CYFIP1: variants seen among roughly 807,000 people sequenced by gnomAD.
The protein encoded by CYFIP1 is cytoplasmic FMR1-interacting protein 1.
CYFIP1 carries 58 observed loss-of-function variants against 163.5 expected under a neutral mutation model. The ratio of observed to expected loss-of-function variants is 0.35; its 90% CI spans 0.29 to 0.44. The LOEUF (loss-of-function observed/expected upper bound fraction) is 0.44, where lower values mean the gene tolerates loss of function less well. Ranked by LOEUF, CYFIP1 falls within the 20% of genes least tolerant of loss-of-function variation. The pLI, the probability that CYFIP1 is intolerant of heterozygous loss-of-function variation, is 1.00. For missense variants in CYFIP1, 1,338 were observed against 1,653.8 expected (o/e 0.81, Z 3.31); for synonymous variants, 663 against 660.7 (o/e 1.00, Z -0.05).
At chr15:22,979,151 G>T (rs8025779) in intron 1 of CYFIP1, among the ~76,000 whole-genome samples, 1 of 151,906 alleles carries the variant, frequency 6.6e-6, no homozygotes, top group Non-Finnish European at 1.5e-5. Context: ...CTGGCCCTAC[G>T]AGTGCACACC....
At chr15:22,954,843 T>C (rs1382344113) in intron 1 of CYFIP1, among the ~76,000 whole-genome samples, 2 of 152,208 alleles carry the variant, frequency 1.3e-5, no homozygotes, top group African/African-American at 4.8e-5. Flanking sequence ...GAGGACATCA[T>C]CATACTTGGC....
chr15:22,889,329 A>G (rs1238213806), intron 23 of CYFIP1, among the ~76,000 whole-genome samples: 6 of 152,220 alleles, frequency 3.9e-5, no homozygotes, highest in Admixed American at 2.0e-4. Context: ...GTGCTCTGGC[A>G]GTGTAGGGGC....
chr15:22,915,478 C>T (rs1052291203), intron 16 of CYFIP1, among the ~76,000 whole-genome samples: 1 of 152,132 alleles, frequency 6.6e-6, no homozygotes, highest in African/African-American at 2.4e-5. Context: ...TGGCTGGGCA[C>T]AGTGGCTCAC....
intron 1 of CYFIP1, among the ~76,000 whole-genome samples, chr15:22,961,790 A>C (rs996827728): frequency 4.6e-5 from 7 of 152,296 alleles, no homozygotes; most frequent in African/African-American, 1.7e-4. Flanking sequence ...GACTTACTAT[A>C]CTAACAACGT....
intron 1 of CYFIP1, among the ~76,000 whole-genome samples, chr15:22,979,002 A>G (rs2063375044): frequency 6.6e-6 from 1 of 152,188 alleles, no homozygotes. Flanking sequence ...AGTTTAAAAT[A>G]AATTTAAACA....
Position 22,944,913 on chromosome 15 carries a change from T to C in CYFIP1, c.234A>G (p.Glu78=), listed in dbSNP as rs754776170. ...TCCAGGTGTACAGCATGACAGCATA[T>C]TCTTGGCCCTCCTCCAGCATCTCGT... The part of the protein sequence containing the change: ...SMNEMLEEGQ[E]YAVMLYTWRS... The change falls in exon 4 of 31, where the codon GAA becomes GAG. Residue 78 remains glutamate, a synonymous_variant. Transcript: ENST00000617928. The C allele has an allele frequency of 1.2e-6, 2 of 1,613,982 alleles. No individual in the cohort carries two copies. The highest frequency in any genetic ancestry group is 1.1e-5 in the South Asian group (1 of 91,086).
chr15:22,917,145 C>T lies in CYFIP1; in HGVS notation c.1675-515G>A. On this transcript the variant is annotated intron_variant, in intron 15 of 30. Coordinates refer to ENST00000617928, the MANE Select transcript of CYFIP1 (RefSeq NM_014608.6). This position sits in a 1 kb window ranked among gnomAD's most constrained non-coding sequence, Gnocchi z 4.2. Reference sequence around the variant, plus strand: ...AGGGAGGCAGGGAGGGTGGCTGGCACCACGCACAGGCCGAGGGCCGTCCCC... The same window carrying T: ...AGGGAGGCAGGGAGGGTGGCTGGCATCACGCACAGGCCGAGGGCCGTCCCC... 6.9e-7 allele frequency: 1 copy of T among 1,442,798 alleles called. No individual in the cohort carries two copies. Among genetic ancestry groups the T allele is most frequent in the Non-Finnish European group, 9.1e-7 (1 of 1,104,682 alleles). The allele number at this position is 1,442,798 out of a possible 1,614,324, so 89.4% of individuals were successfully genotyped here. A position where few individuals can be genotyped will look rare whatever the true frequency, so the allele number is the denominator to read the frequency against.
intron 9 of CYFIP1, among the ~76,000 whole-genome samples, chr15:22,936,399 G>A (rs1361584010): frequency 6.6e-6 from 1 of 152,206 alleles, no homozygotes; most frequent in Non-Finnish European, 1.5e-5. Context: ...AAAGCCATTA[G>A]GGAAACATGA....
intron 26 of CYFIP1, among the ~76,000 whole-genome samples, chr15:22,877,288 C>A (rs1354617021): frequency 2.0e-5 from 3 of 152,152 alleles, no homozygotes; most frequent in Non-Finnish European, 4.4e-5. Flanking sequence ...TCTCTGTTCC[C>A]CCAGAGCTGA....
chr15:22,935,244 A>T (rs1030727162), intron 9 of CYFIP1, among the ~76,000 whole-genome samples: 4 of 152,206 alleles, frequency 2.6e-5, no homozygotes, highest in African/African-American at 9.7e-5. Flanking sequence ...GCCCTGGAGC[A>T]GGGATGGAGG....
rs1177990687 is a variant in CYFIP1, at chr15:22,949,885, T to G, written c.-6-2594A>C. Among the ~76,000 whole-genome samples, 4 of 151,536 alleles carry G rather than the reference T, an allele frequency of 2.6e-5. No individual in the cohort carries two copies. In the East Asian group the frequency reaches 7.8e-4, roughly 29 times the overall value. On this transcript the variant is annotated intron_variant, in intron 1 of 30. Transcript: ENST00000617928. ...AGCCAGGCGCTGCAGTCCCAGCTAC[T>G]TGGGAGGCTGAGAAGGGAGGATCAC...
Position 22,932,276 on chromosome 15 carries a change from G to A in CYFIP1, c.1057C>T (p.Arg353Cys), listed in dbSNP as rs369156833. 27 of 1,613,100 alleles carry A rather than the reference G, an allele frequency of 1.7e-5. No individual in the cohort carries two copies. The highest frequency in any genetic ancestry group is 2.2e-5 in the East Asian group (1 of 44,818). ...GAAATGAAGCGCATGTGGTCCTCGC[G>A]GATCTGGATCATCTGCTCGCAGATG... ...YNICEQMIQI[R>C]EDHMRFISEL... The change falls in exon 11 of 31, where the codon CGC becomes TGC. Residue 353 changes from arginine to cysteine, a missense_variant. Coordinates refer to ENST00000617928, the MANE Select transcript of CYFIP1 (RefSeq NM_014608.6).
intron 21 of CYFIP1, chr15:22,905,548 C>T (rs2060544861): frequency 6.6e-6 from 1 of 151,088 alleles, no homozygotes; most frequent in African/African-American, 2.4e-5. Context: ...AAGCGATTCC[C>T]CTGCCTCAGC....
rs894224073 is a variant in CYFIP1 at position 22,884,546 on chromosome 15, G to T, written c.2677-1535C>A. Among the ~76,000 whole-genome samples the T allele has an allele frequency of 2.0e-5, 3 of 152,312 alleles. No individual in the cohort carries two copies. The East Asian group carries it at 5.8e-4, about 29-fold the overall frequency. ...TTGGGCAGCTCCACCCTGTGGCTTTGCAGGGTACAGTCCCCCTCCTGGCTG... is the reference window on the plus strand; with the variant it reads ...TTGGGCAGCTCCACCCTGTGGCTTTTCAGGGTACAGTCCCCCTCCTGGCTG... On this transcript the variant is annotated intron_variant, in intron 23 of 30. Coordinates refer to ENST00000617928, the MANE Select transcript of CYFIP1 (RefSeq NM_014608.6).
At chr15:22,888,779 C>T (rs1262932814) in intron 23 of CYFIP1, among the ~76,000 whole-genome samples, 2 of 151,750 alleles carry the variant, frequency 1.3e-5, no homozygotes, top group African/African-American at 4.8e-5. Context: ...CAGTGGCTCA[C>T]GCCTTTATCC....
Position 22,918,684 on chromosome 15 carries a change from A to C in CYFIP1, c.1526+8T>G. 6.3e-7 allele frequency: 1 copy of C among 1,587,174 alleles called. No homozygotes were observed. The highest frequency in any genetic ancestry group is 8.6e-7 in the Non-Finnish European group (1 of 1,167,198). On this transcript the variant is annotated splice_region_variant and intron_variant, in intron 14 of 30. Transcript: ENST00000617928. ...GCACAGCGGGCACAGGGCGTGGGGA[A>C]GGCTGACCTCTGGATGACGTTCTTC... is the stretch of plus-strand genomic sequence containing the variant.
chr15:22,882,691 C>A (rs185661221), intron 24 of CYFIP1, among the ~76,000 whole-genome samples, 177 bp downstream of exon 24: 6 of 152,280 alleles, frequency 3.9e-5, no homozygotes, highest in Non-Finnish European at 8.8e-5. Flanking sequence ...TGGACCCATT[C>A]TCTTGAGTTT....
At position 22,867,335 on chromosome 15, in the gene CYFIP1, ATATTTATTAAGGGAAAACTAAGT is replaced by A; in HGVS notation, c.*2670_*2692del. 2.5e-6 allele frequency: 1 copy of A among 396,522 alleles called. No homozygotes were observed. The highest frequency in any genetic ancestry group is 4.4e-6 in the Non-Finnish European group (1 of 225,046). 24.6% of individuals were successfully genotyped at this position (396,522 alleles called of 1,614,324 possible). ...GATGATGATTGGTTTTATTTTTGAA[ATATTTATTAAGGGAAAACTAAGT>A]TACTGAATGAAGGAACCTCTTTCTT... On this transcript the variant is annotated 3_prime_UTR_variant, in exon 31 of 31. Coordinates refer to ENST00000617928, the MANE Select transcript of CYFIP1 (RefSeq NM_014608.6).
At chr15:22,948,026 C>T (rs1013261894) in intron 1 of CYFIP1, 1 of 982,928 alleles carries the variant, frequency 1.0e-6, no homozygotes, top group African/African-American at 1.8e-5. Flanking sequence ...AGCTGAGCCA[C>T]ATTCTATGAA....
Sources: gnomAD v4.1 joint callset for allele counts (sites outside exome capture counted in the v4.1 genomes callset) on GRCh38, gnomAD v4.1.1 for gene constraint, Gnocchi (gnomAD v3.1) non-coding constraint, MANE v1.5 for transcripts, NCBI Gene and HGNC (gene_info 2026-07-23, HGNC 2026-07-21) for gene names.